The following AKAP13 variants were observed in gnomAD, a reference collection of about 807,000 sequenced individuals.
AKAP13 encodes A-kinase anchor protein 13.
In AKAP13, 80 loss-of-function variants were observed where a neutral mutation model predicts 264.5. The ratio of observed to expected loss-of-function variants is 0.30; its 90% confidence interval spans 0.25 to 0.36. The LOEUF (loss-of-function observed/expected upper bound fraction) is 0.36, where lower values mean the gene tolerates loss of function less well. AKAP13 is among the 10% of genes least tolerant of loss of function. The pLI, the probability that AKAP13 is intolerant of heterozygous loss-of-function variation, is 1.00. For synonymous variants in AKAP13, 1,380 were observed against 1,250.2 expected (o/e 1.10, Z -2.19); for missense variants, 3,712 against 3,435.2 (o/e 1.08, Z -2.01).
At chr15:85,686,136 A>G (rs2084897861) in intron 16 of AKAP13, among the ~76,000 whole-genome samples, 1 of 134,766 alleles carries the variant, frequency 7.4e-6, no homozygotes, top group Non-Finnish European at 1.6e-5. Flanking sequence ...GAACTCTTGC[A>G]AGGAATCACT....
At chr15:85,520,638 A>C (rs749747331) in intron 2 of AKAP13, 1 of 518,900 alleles carries the variant, frequency 1.9e-6, no homozygotes, top group Non-Finnish European at 3.8e-6. Context: ...GATAAAGAAG[A>C]GTAGGAATGT....
chr15:85,735,448 G>C lies in AKAP13; in HGVS notation c.7442-112G>C, dbSNP rs181618011. On this transcript the variant is annotated intron_variant, in intron 31 of 36. Transcript: ENST00000394518. Reference sequence around the variant, plus strand: ...ACCAAGCAGCTCCCCCTTTTTGGGGGCATCAGTAGGTTTCAGACATACTAC... The same window carrying C: ...ACCAAGCAGCTCCCCCTTTTTGGGGCCATCAGTAGGTTTCAGACATACTAC... The C allele has an allele frequency of 3.7e-4, 409 of 1,101,744 alleles. 3 individuals are homozygous for C. The highest frequency in any genetic ancestry group is 3.4e-5 in the Non-Finnish European group (26 of 768,424). The allele number at this position is 1,101,744 out of a possible 1,614,324, so 68.2% of individuals were successfully genotyped here. A position where few individuals can be genotyped will look rare whatever the true frequency, so the allele number is the denominator to read the frequency against.
intron 16 of AKAP13, chr15:85,689,859 G>C (rs2085176685): frequency 6.6e-6 from 1 of 152,190 alleles, no homozygotes; most frequent in Non-Finnish European, 1.5e-5. Flanking sequence ...AAACAGTTAA[G>C]ACTGTCTTAA....
At chr15:85,404,555 T>G (rs564733030) in intron 1 of AKAP13, among the ~76,000 whole-genome samples, 1 of 152,350 alleles carries the variant, frequency 6.6e-6, no homozygotes, top group African/African-American at 2.4e-5. Context: ...CAATTCTGCC[T>G]TAGCTTTTCA....
intron 2 of AKAP13, among the ~76,000 whole-genome samples, chr15:85,516,708 GA>G (rs1231605448): frequency 6.6e-6 from 1 of 151,836 alleles, no homozygotes; most frequent in Admixed American, 6.6e-5. Flanking sequence ...TGGTTAAAAA[GA>G]AAAAAAGAAA....
intron 19 of AKAP13, among the ~76,000 whole-genome samples, chr15:85,713,902 A>C (rs1428448204): frequency 2.0e-5 from 3 of 152,228 alleles, no homozygotes; most frequent in African/African-American, 7.2e-5. Flanking sequence ...TGACCACTTT[A>C]GCAAATTAGA....
rs2151793571 is a variant in AKAP13 at position 85,743,964 on chromosome 15, G to T, written c.8392+139G>T. The T allele has an allele frequency of 5.1e-6, 5 of 983,110 alleles. No homozygotes were observed. The East Asian group carries it at 7.9e-5, about 15-fold the overall frequency. The allele number at this position is 983,110 out of a possible 1,614,324, so 60.9% of individuals were successfully genotyped here. ...AGCCAAACTGCCATCCTTTTCACCAGCTCCGCTTGCTAAGAGCACTCATGC... is the reference window on the plus strand; with the variant it reads ...AGCCAAACTGCCATCCTTTTCACCATCTCCGCTTGCTAAGAGCACTCATGC... On this transcript the variant is annotated intron_variant, in intron 36 of 36. Transcript: ENST00000394518.
intron 8 of AKAP13, among the ~76,000 whole-genome samples, chr15:85,628,133 G>A (rs1174785893): frequency 7.2e-5 from 11 of 152,118 alleles, no homozygotes; most frequent in African/African-American, 2.4e-4. Flanking sequence ...CTGATAATCC[G>A]TAGACTCATA....
At chr15:85,673,466 T>A (rs775651947) in intron 14 of AKAP13, among the ~76,000 whole-genome samples, 60 of 152,216 alleles carry the variant, frequency 3.9e-4, no homozygotes, top group Non-Finnish European at 6.5e-4. Flanking sequence ...GCTTGGTGCC[T>A]GGGAGGACTG....
chr15:85,406,914 G>A (rs2071694791), intron 1 of AKAP13, among the ~76,000 whole-genome samples: 1 of 151,742 alleles, frequency 6.6e-6, no homozygotes, highest in South Asian at 2.1e-4. Context: ...GCTAGGCCCT[G>A]AAAGAACCAA....
intron 1 of AKAP13, chr15:85,415,770 A>G (rs1356111231): frequency 3.4e-6 from 2 of 594,420 alleles, no homozygotes; most frequent in South Asian, 4.1e-5. Context: ...AACATTTTAC[A>G]TACAGCTATT....
At chr15:85,572,830 A>C (rs984917295) in intron 5 of AKAP13, among the ~76,000 whole-genome samples, 2 of 151,864 alleles carry the variant, frequency 1.3e-5, no homozygotes, top group Non-Finnish European at 1.5e-5. Flanking sequence ...GCCCCCAACC[A>C]CCTGACCGAC....
At chr15:85,710,736 G>T in intron 19 of AKAP13, 91 bp downstream of exon 19, 3 of 1,374,368 alleles carry the variant, frequency 2.2e-6, no homozygotes. Flanking sequence ...ATTATTCATA[G>T]TCAAGATATG....
In AKAP13 at chr15:85,741,453, A is replaced by G; in HGVS notation, c.8016A>G (p.Ala2672=). 2 of 1,606,880 alleles carry G rather than the reference A, an allele frequency of 1.2e-6. No homozygotes were observed. The highest frequency in any genetic ancestry group is 1.7e-6 in the Non-Finnish European group (2 of 1,174,732). ...AACAGGAGCAGCTGCGCCGGGAGGC[A>G]GAGCGGCTCAGCCAGCGGCAGACAG... ...EREQEQLRRE[A]ERLSQRQTER... The change falls in exon 35 of 37, where the codon GCA becomes GCG. Residue 2672 remains alanine (A), a synonymous_variant. Transcript: ENST00000394518.
intron 1 of AKAP13, among the ~76,000 whole-genome samples, chr15:85,437,019 A>G (rs1253474269): frequency 1.1e-4 from 16 of 149,002 alleles, no homozygotes; most frequent in East Asian, 3.9e-4. Flanking sequence ...CAAAAAATCA[A>G]TGAATCCAGG....
intron 19 of AKAP13, among the ~76,000 whole-genome samples, chr15:85,712,023 G>A (rs966760439): frequency 2.0e-5 from 3 of 152,030 alleles, no homozygotes; most frequent in Non-Finnish European, 2.9e-5. Flanking sequence ...TTGTAGAGAC[G>A]GGGTCTCACT....
chr15:85,652,612 A>C (rs553551555), intron 10 of AKAP13, among the ~76,000 whole-genome samples: 1 of 152,276 alleles, frequency 6.6e-6, no homozygotes, highest in East Asian at 1.9e-4. Context: ...TGCTGTAACA[A>C]ATTACTGGAA....
At chr15:85,695,404 A>T (rs1247794395) in intron 17 of AKAP13, among the ~76,000 whole-genome samples, 1 of 152,128 alleles carries the variant, frequency 6.6e-6, no homozygotes, top group Non-Finnish European at 1.5e-5. Context: ...ACTCCATCTC[A>T]AAAAAACACA....
At chr15:85,586,697 G>T (rs1485295753) in intron 8 of AKAP13, among the ~76,000 whole-genome samples, 1 of 152,124 alleles carries the variant, frequency 6.6e-6, no homozygotes, top group Non-Finnish European at 1.5e-5. Flanking sequence ...AGGCTGAGGT[G>T]GGTGGATTAC....
Sources: gnomAD v4.1 joint callset for allele counts (sites outside exome capture counted in the v4.1 genomes callset) on GRCh38, gnomAD v4.1.1 for gene constraint, MANE v1.5 for transcripts, NCBI Gene and HGNC (gene_info 2026-07-23, HGNC 2026-07-21) for gene names.